The following L3MBTL4 variants were observed in gnomAD, a reference collection of about 807,000 sequenced individuals.
L3MBTL4 encodes L3MBTL histone methyl-lysine binding protein 4, also known as lethal(3)malignant brain tumor-like protein 4.
Under a neutral mutation model 84.5 loss-of-function variants are expected in L3MBTL4, and 70 were observed. The ratio of observed to expected loss-of-function variants is 0.83; its 90% CI spans 0.68 to 1.01. The LOEUF (loss-of-function observed/expected upper bound fraction) is 1.01. Ranked by LOEUF, L3MBTL4 falls within the 50% of genes least tolerant of loss-of-function variation. The pLI, the probability that L3MBTL4 is intolerant of heterozygous loss-of-function variation, is 0.00. For synonymous variants in L3MBTL4, 274 were observed against 259.8 expected (o/e 1.05, Z -0.52); for missense variants, 715 against 754.8 (o/e 0.95, Z 0.62).
At chr18:6,109,777 C>T (rs146708181) in intron 14 of L3MBTL4, among the ~76,000 whole-genome samples, 76 of 152,246 alleles carry the variant, frequency 5.0e-4, no homozygotes, top group African/African-American at 1.7e-3. Context: ...TATGGGTCCC[C>T]GATCCTCTCT....
chr18:6,139,672 C>G (rs2060136313), intron 13 of L3MBTL4, among the ~76,000 whole-genome samples: 1 of 152,112 alleles, frequency 6.6e-6, no homozygotes, highest in African/African-American at 2.4e-5. Context: ...AACAAATTCC[C>G]TACTTCCTCC....
intron 3 of L3MBTL4, among the ~76,000 whole-genome samples, chr18:6,307,805 G>A (rs1185864333): frequency 6.6e-6 from 1 of 152,194 alleles, no homozygotes; most frequent in East Asian, 1.9e-4. Flanking sequence ...CAGGGAGAGG[G>A]AGAATGGGAA....
intron 11 of L3MBTL4, among the ~76,000 whole-genome samples, chr18:6,214,671 G>A (rs571998046): frequency 6.6e-6 from 1 of 152,250 alleles, no homozygotes; most frequent in East Asian, 1.9e-4. Context: ...GGAGTATACT[G>A]ACTGTAATTA....
rs138634388 is a variant in L3MBTL4 at position 6,413,124 on chromosome 18, C to A, written c.-91+1677G>T. On this transcript the variant is annotated intron_variant, in intron 1 of 18. Coordinates refer to ENST00000317931, the MANE Select transcript of L3MBTL4 (RefSeq NM_001330559.2). ...AAAATGTTTAAAAAGTGAAAGTTAACACAGTTCCTTCACTTTCATTACCTC... is the reference window on the plus strand; with the variant it reads ...AAAATGTTTAAAAAGTGAAAGTTAAAACAGTTCCTTCACTTTCATTACCTC... Among the ~76,000 whole-genome samples, 499 of 152,208 alleles carry A rather than the reference C, an allele frequency of 3.3e-3. 3 individuals are homozygous for A. Among genetic ancestry groups the A allele is most frequent in the Non-Finnish European group, 5.8e-3 (392 of 68,004 alleles).
chr18:6,142,531 T>G (rs943239021), intron 13 of L3MBTL4, among the ~76,000 whole-genome samples: 7 of 152,122 alleles, frequency 4.6e-5, no homozygotes, highest in African/African-American at 1.7e-4. Context: ...GAAGCATAAA[T>G]AAAGAAAAAT....
Position 6,080,852 on chromosome 18 carries a change from C to A in L3MBTL4, c.1444+29G>T, listed in dbSNP as rs201628525. The A allele has an allele frequency of 5.5e-5, 80 of 1,456,482 alleles. No individual in the cohort carries two copies. The African/African-American group carries it at 1.0e-3, about 19-fold the overall frequency. The allele number at this position is 1,456,482 out of a possible 1,614,324, so 90.2% of individuals were successfully genotyped here. A position where few individuals can be genotyped will look rare whatever the true frequency, so the allele number is the denominator to read the frequency against. On this transcript the variant is annotated intron_variant, in intron 16 of 18. Transcript: ENST00000317931. ...CATTCTGCACAACAAAAAGTATATT[C>A]TGTGTTTTGCTAGTGTTTTTGTTTT...
At chr18:6,031,071 C>T (rs182899123) in intron 16 of L3MBTL4, 1 of 985,346 alleles carries the variant, frequency 1.0e-6, no homozygotes, top group East Asian at 1.1e-4. Flanking sequence ...TTAATACATC[C>T]AATTATTAAT....
chr18:6,212,973 T>A (rs983159204), intron 12 of L3MBTL4, among the ~76,000 whole-genome samples, 176 bp downstream of exon 12: 2 of 152,162 alleles, frequency 1.3e-5, no homozygotes, highest in Admixed American at 1.3e-4. Flanking sequence ...GATCCTCTAG[T>A]CCCATCTTGG....
intron 1 of L3MBTL4, among the ~76,000 whole-genome samples, chr18:6,327,459 T>C (rs1480544872): frequency 6.6e-6 from 1 of 152,178 alleles, no homozygotes; most frequent in Non-Finnish European, 1.5e-5. Flanking sequence ...ATATATTCTA[T>C]CACAGATAAC....
intron 18 of L3MBTL4, among the ~76,000 whole-genome samples, chr18:5,957,947 G>A (rs372175169): frequency 7.8e-5 from 10 of 128,548 alleles, no homozygotes; most frequent in Middle Eastern, 3.6e-3. Flanking sequence ...GCAACAGATA[G>A]AGACTCCACC....
intron 4 of L3MBTL4, among the ~76,000 whole-genome samples, chr18:6,268,446 C>G (rs538140673): frequency 6.6e-6 from 1 of 152,298 alleles, no homozygotes; most frequent in African/African-American, 2.4e-5. Context: ...GAAAGGAAGA[C>G]AGGCAGAATA....
intron 13 of L3MBTL4, among the ~76,000 whole-genome samples, chr18:6,165,338 A>G (rs910079183): frequency 1.3e-5 from 2 of 152,190 alleles, no homozygotes; most frequent in African/African-American, 2.4e-5. Flanking sequence ...GAATGCCACA[A>G]AGATACTCCT....
chr18:5,978,030 G>C (rs1423912776), intron 16 of L3MBTL4, among the ~76,000 whole-genome samples: 1 of 152,204 alleles, frequency 6.6e-6, no homozygotes, highest in Non-Finnish European at 1.5e-5. Context: ...CCTGACACAT[G>C]GTGCGGTGTA....
intron 16 of L3MBTL4, among the ~76,000 whole-genome samples, chr18:6,041,369 T>C (rs1407466301): frequency 6.6e-6 from 1 of 152,136 alleles, no homozygotes; most frequent in African/African-American, 2.4e-5. Flanking sequence ...TGAGCACCCA[T>C]TGGGGTCTTC....
chr18:6,016,946 G>A (rs1018356118), intron 16 of L3MBTL4, among the ~76,000 whole-genome samples: 5 of 152,106 alleles, frequency 3.3e-5, no homozygotes, highest in Admixed American at 6.5e-5. Flanking sequence ...GGGTACCACC[G>A]CCTCCTGACC....
chr18:6,223,528 C>CA (rs779995024), intron 10 of L3MBTL4, among the ~76,000 whole-genome samples: 6 of 151,340 alleles, frequency 4.0e-5, no homozygotes, highest in East Asian at 1.9e-4. Context: ...CAAACAATGA[C>CA]AAAAAAAACA....
chr18:6,211,681 C>T (rs1169881650), intron 12 of L3MBTL4, among the ~76,000 whole-genome samples: 1 of 150,362 alleles, frequency 6.7e-6, no homozygotes, highest in Non-Finnish European at 1.5e-5. Flanking sequence ...CAGAGTCCAG[C>T]TCTGTCGCCC....
intron 16 of L3MBTL4, among the ~76,000 whole-genome samples, chr18:5,993,680 T>C (rs1567959841): frequency 6.6e-6 from 1 of 152,176 alleles, no homozygotes; most frequent in East Asian, 1.9e-4. Context: ...TACAAAATTA[T>C]GCATTATAAT....
At chr18:6,403,433 C>T (rs997260393) in intron 1 of L3MBTL4, among the ~76,000 whole-genome samples, 10 of 152,152 alleles carry the variant, frequency 6.6e-5, no homozygotes, top group Admixed American at 1.3e-4. Context: ...GTCACCTTCA[C>T]GGTGAATCTA....
Sources: gnomAD v4.1 joint callset for allele counts (sites outside exome capture counted in the v4.1 genomes callset) on GRCh38, gnomAD v4.1.1 for gene constraint, MANE v1.5 for transcripts, NCBI Gene and HGNC (gene_info 2026-07-23, HGNC 2026-07-21) for gene names.